The following FARS2 variants were observed in gnomAD, a reference collection of about 807,000 sequenced individuals.
The protein encoded by FARS2 is phenylalanine--tRNA ligase, mitochondrial.
A neutral mutation model predicts 46.4 loss-of-function variants in FARS2; 40 were observed. The ratio of observed to expected loss-of-function variants is 0.86; its 90% confidence interval spans 0.67 to 1.12. The LOEUF is 1.12. FARS2 is among the 50% of genes most tolerant of loss of function. The pLI, the probability that FARS2 is intolerant of heterozygous loss-of-function variation, is 0.00. For synonymous variants in FARS2, 234 were observed against 214.9 expected (o/e 1.09, Z -0.78); for missense variants, 513 against 567.9 (o/e 0.90, Z 0.98).
At chr6:5,312,567 G>A (rs1030333227) in intron 1 of FARS2, among the ~76,000 whole-genome samples, 3 of 152,330 alleles carry the variant, frequency 2.0e-5, no homozygotes, top group Non-Finnish European at 2.9e-5. Flanking sequence ...ATGTGCTTAT[G>A]GAGGAGGGTT....
intron 5 of FARS2, among the ~76,000 whole-genome samples, chr6:5,556,804 G>T (rs577140464): frequency 6.6e-6 from 1 of 151,870 alleles, no homozygotes; most frequent in East Asian, 1.9e-4. Flanking sequence ...CATTTTCTTG[G>T]CTGTGAAGCT....
intron 1 of FARS2, among the ~76,000 whole-genome samples, chr6:5,352,409 C>T (rs1757634147): frequency 6.6e-6 from 1 of 151,984 alleles, no homozygotes; most frequent in African/African-American, 2.4e-5. Context: ...CATGCCCACT[C>T]TGCTCAGGTG....
intron 6 of FARS2, among the ~76,000 whole-genome samples, chr6:5,671,660 C>G (rs982541695): frequency 2.6e-5 from 4 of 152,170 alleles, no homozygotes; most frequent in Admixed American, 1.3e-4. Context: ...AGGACTTACT[C>G]CAAGAACCAA....
intron 6 of FARS2, among the ~76,000 whole-genome samples, chr6:5,649,974 C>A (rs1777267701): frequency 6.6e-6 from 1 of 152,158 alleles, no homozygotes; most frequent in African/African-American, 2.4e-5. Flanking sequence ...CCTACAGGTA[C>A]TTTGATCATT....
intron 6 of FARS2, among the ~76,000 whole-genome samples, chr6:5,656,318 T>C (rs1024449575): frequency 6.6e-6 from 1 of 152,202 alleles, no homozygotes; most frequent in Non-Finnish European, 1.5e-5. Flanking sequence ...CAATATGTCA[T>C]CTGCCACACG....
chr6:5,701,783 G>A (rs1758450714), intron 6 of FARS2, among the ~76,000 whole-genome samples: 1 of 152,152 alleles, frequency 6.6e-6, no homozygotes, highest in East Asian at 1.9e-4. Flanking sequence ...AAGGCTAATT[G>A]GAATTCTCAG....
chr6:5,759,767 A>G (rs1287876216), intron 6 of FARS2, among the ~76,000 whole-genome samples: 1 of 152,170 alleles, frequency 6.6e-6, no homozygotes, highest in Non-Finnish European at 1.5e-5. Flanking sequence ...TCGTCAGCTT[A>G]GTATAAGGGG....
chr6:5,341,139 T>A (rs9405826), intron 1 of FARS2, among the ~76,000 whole-genome samples: 51,875 of 132,858 alleles, frequency 0.39, 10,612 homozygotes, highest in African/African-American at 0.45. Flanking sequence ...CAGAGTTTCA[T>A]ATGCACACGT....
At chr6:5,687,314 G>A (rs1475588077) in intron 6 of FARS2, among the ~76,000 whole-genome samples, 5 of 152,202 alleles carry the variant, frequency 3.3e-5, no homozygotes, top group African/African-American at 1.2e-4. Context: ...TTTTCTTCTA[G>A]GGTTTTTATG....
chr6:5,392,683 T>G (rs1210198826), intron 2 of FARS2, among the ~76,000 whole-genome samples: 5 of 151,288 alleles, frequency 3.3e-5, no homozygotes, highest in Non-Finnish European at 7.4e-5. Flanking sequence ...GCTTAAGCTT[T>G]AAGACCAGCT....
chr6:5,607,262 C>T (rs1191973027), intron 5 of FARS2, among the ~76,000 whole-genome samples: 1 of 149,242 alleles, frequency 6.7e-6, no homozygotes, highest in South Asian at 2.1e-4. Context: ...GTGCTTGGAA[C>T]AATTTATTAA....
At chr6:5,536,261 G>A (rs1391545696) in intron 4 of FARS2, among the ~76,000 whole-genome samples, 1 of 152,090 alleles carries the variant, frequency 6.6e-6, no homozygotes, top group African/African-American at 2.4e-5. Flanking sequence ...TCGATCTCCT[G>A]ACCTCATGAT....
At chr6:5,664,267 G>T (rs1245291666) in intron 6 of FARS2, among the ~76,000 whole-genome samples, 1 of 152,218 alleles carries the variant, frequency 6.6e-6, no homozygotes. Flanking sequence ...GGGCTTGGAA[G>T]TCAAAGACTA....
At chr6:5,352,689 AAATACTTGCTCGACTAGCCTTGAGAGCTT>A (rs1369520927) in intron 1 of FARS2, among the ~76,000 whole-genome samples, 20 of 151,968 alleles carry the variant, frequency 1.3e-4, no homozygotes, top group Non-Finnish European at 2.9e-5. Flanking sequence ...TTTGAGATGT[AAATACTTGCTCGACTAGCCTTGAGAGCTT>A]TCCATCCTTC....
In FARS2 at chr6:5,471,940, C is replaced by T. The variant is rs560061911; in HGVS notation, c.904+40768C>T. On this transcript the variant is annotated intron_variant, in intron 4 of 6. Coordinates refer to ENST00000274680, the MANE Select transcript of FARS2 (RefSeq NM_006567.5). The surrounding 1 kb of genome is among the most constrained non-coding windows in gnomAD (Gnocchi z 4.1). ...GCATTTGCCACAGCTCAGGAGCCTG[C>T]CTGAAAATGAATGAGAAACAAGTGG... 6.6e-6 allele frequency among the ~76,000 whole-genome samples: 1 copy of T among 152,326 alleles called. No individual in the cohort carries two copies. The highest frequency in any genetic ancestry group is 1.9e-4 in the East Asian group (1 of 5,190).
At chr6:5,614,119 G>A (rs767427121) in intron 6 of FARS2, among the ~76,000 whole-genome samples, 6 of 152,174 alleles carry the variant, frequency 3.9e-5, no homozygotes, top group Non-Finnish European at 8.8e-5. Flanking sequence ...CCTGGAACCT[G>A]CAAGGTCTCA....
the FARS2 span, among the ~76,000 whole-genome samples, chr6:5,250,523 GA>G: frequency 1.2e-4 from 18 of 151,850 alleles, no homozygotes; most frequent in African/African-American, 4.1e-4. Flanking sequence ...CAATGTAAGA[GA>G]AAAAAATGTT....
intron 1 of FARS2, among the ~76,000 whole-genome samples, chr6:5,313,043 G>C (rs1769199379): frequency 1.3e-5 from 2 of 152,134 alleles, no homozygotes; most frequent in Admixed American, 6.5e-5. Flanking sequence ...GAGGGAGAGA[G>C]AGAAAAAGTG....
chr6:5,614,794 A>T (rs1775383541), intron 6 of FARS2, among the ~76,000 whole-genome samples: 1 of 152,206 alleles, frequency 6.6e-6, no homozygotes, highest in Non-Finnish European at 1.5e-5. Flanking sequence ...TATCTAAATG[A>T]CTGAAGTTCA....
Sources: allele counts gnomAD v4.1 joint callset (sites outside exome capture counted in the v4.1 genomes callset), GRCh38; gene constraint gnomAD v4.1.1; non-coding constraint Gnocchi (gnomAD v3.1); transcripts MANE v1.5; gene names NCBI Gene and HGNC (gene_info 2026-07-23, HGNC 2026-07-21).